The following SGK3 variants were observed in gnomAD, a reference collection of about 807,000 sequenced individuals.
SGK3 encodes the protein serum/glucocorticoid regulated kinase family member 3, also known as serine/threonine-protein kinase Sgk3.
In SGK3, 47 loss-of-function variants were observed where a neutral mutation model predicts 68.5. The ratio of observed to expected loss-of-function variants is 0.69; its 90% confidence interval spans 0.54 to 0.87. SGK3 has a LOEUF of 0.87. Ranked by LOEUF, SGK3 falls within the 40% of genes least tolerant of loss-of-function variation. SGK3 has a pLI of 0.00. For missense variants in SGK3, 479 were observed against 575.5 expected (o/e 0.83, Z 1.72); for synonymous variants, 181 against 189.1 (o/e 0.96, Z 0.35).
intron 1 of SGK3, among the ~76,000 whole-genome samples, chr8:66,758,141 G>A (rs1806045871): frequency 6.6e-6 from 1 of 151,744 alleles, no homozygotes; most frequent in Admixed American, 6.6e-5. Flanking sequence ...ATCACCTGAG[G>A]TCAGGAGTTC....
chr8:66,761,932 C>T (rs746897955), intron 1 of SGK3, among the ~76,000 whole-genome samples: 5 of 152,334 alleles, frequency 3.3e-5, no homozygotes, highest in Non-Finnish European at 7.3e-5. Flanking sequence ...TTGCACTCCC[C>T]TGCCCCTACA....
intron 1 of SGK3, among the ~76,000 whole-genome samples, chr8:66,789,123 G>GAAA (rs35284393): frequency 0.021 from 2,650 of 126,578 alleles, 84 homozygotes; most frequent in African/African-American, 0.07. Flanking sequence ...ATTTTATTCA[G>GAAA]AAAAAAAAAA....
In SGK3 at chr8:66,793,598, T is replaced by A. The variant is rs1220040732; in HGVS notation, c.-121-18T>A. The A allele has an allele frequency of 2.8e-6, 2 of 718,444 alleles. No homozygotes were observed. Among genetic ancestry groups the A allele is most frequent in the Non-Finnish European group, 4.3e-6 (2 of 460,792 alleles). 44.5% of individuals were successfully genotyped at this position (718,444 alleles called of 1,614,324 possible). A position where few individuals can be genotyped will look rare whatever the true frequency, so the allele number is the denominator to read the frequency against. On this transcript the variant is annotated intron_variant, in intron 1 of 16. Transcript: ENST00000521198. ...AAGTTGTTTTGCTAATCACTTTTTTTTTTTTCTGTTGGTTAAGGTTGCATG... is the reference window on the plus strand; with the variant it reads ...AAGTTGTTTTGCTAATCACTTTTTTATTTTTCTGTTGGTTAAGGTTGCATG...
chr8:66,781,097 G>T (rs148666735), intron 1 of SGK3, among the ~76,000 whole-genome samples: 1 of 152,182 alleles, frequency 6.6e-6, no homozygotes, highest in African/African-American at 2.4e-5. Flanking sequence ...GGCCTTGGGC[G>T]TGTTGTATGT....
chr8:66,798,731 G>A, intron 3 of SGK3, 106 bp downstream of exon 3: 1 of 951,052 alleles, frequency 1.1e-6, no homozygotes, highest in Non-Finnish European at 1.5e-6. Context: ...ATGTTAATAT[G>A]TCAGACAGGC....
chr8:66,828,723 A>G lies in SGK3; in HGVS notation c.467+20A>G, dbSNP rs371705613. The G allele has an allele frequency of 6.2e-6, 10 of 1,613,616 alleles. No individual in the cohort carries two copies. Among genetic ancestry groups the G allele is most frequent in the African/African-American group, 4.0e-5 (3 of 74,910 alleles). On this transcript the variant is annotated intron_variant, in intron 7 of 16. Transcript: ENST00000521198. Reference sequence around the variant, plus strand: ...TCCTCAGTATGTTTAATTTGCTTCAAACAATTTTTTAACTGAATTTTAGGA... The same window carrying G: ...TCCTCAGTATGTTTAATTTGCTTCAGACAATTTTTTAACTGAATTTTAGGA...
At chr8:66,751,422 A>G (rs978880401) in intron 1 of SGK3, among the ~76,000 whole-genome samples, 1 of 151,960 alleles carries the variant, frequency 6.6e-6, no homozygotes, top group Non-Finnish European at 1.5e-5. Context: ...ATACCATTCT[A>G]TTTTCTTATT....
intron 14 of SGK3, among the ~76,000 whole-genome samples, chr8:66,845,910 T>C (rs1167608168): frequency 6.6e-6 from 1 of 151,966 alleles, no homozygotes; most frequent in African/African-American, 2.4e-5. Flanking sequence ...ACAACAAGCA[T>C]ATATTACTTT....
chr8:66,721,718 C>A (rs1230561273), intron 1 of SGK3, among the ~76,000 whole-genome samples: 1 of 151,022 alleles, frequency 6.6e-6, no homozygotes, highest in Non-Finnish European at 1.5e-5. Context: ...ATTGCAACAG[C>A]ATTGTTTTGT....
At chr8:66,787,025 C>T (rs978910771) in intron 1 of SGK3, among the ~76,000 whole-genome samples, 7 of 146,196 alleles carry the variant, frequency 4.8e-5, no homozygotes, top group African/African-American at 1.5e-4. Context: ...GCAACCTTCA[C>T]CTCTTGTGTC....
At chr8:66,720,165 G>A (rs77878073) in intron 1 of SGK3, among the ~76,000 whole-genome samples, 1 of 152,152 alleles carries the variant, frequency 6.6e-6, no homozygotes, top group Non-Finnish European at 1.5e-5. Context: ...AACATAAAGC[G>A]CATGTTCTTC....
intron 2 of SGK3, 52 bp from the exon 3 acceptor site, chr8:66,798,490 G>C (rs1004421456): frequency 3.3e-6 from 5 of 1,492,596 alleles, no homozygotes; most frequent in African/African-American, 1.4e-5. Flanking sequence ...AGTAGCTAAT[G>C]GGTTTTTTGC....
At chr8:66,794,516 C>T (rs1447341052) in intron 2 of SGK3, among the ~76,000 whole-genome samples, 1 of 151,540 alleles carries the variant, frequency 6.6e-6, no homozygotes, top group Admixed American at 6.6e-5. Flanking sequence ...TATTACTGAT[C>T]TGCTCTTCCT....
chr8:66,744,483 GTATA>G (rs869176585), intron 1 of SGK3, among the ~76,000 whole-genome samples: 4,162 of 40,044 alleles, frequency 0.1, 432 homozygotes, highest in Middle Eastern at 0.14. Context: ...GTGTGTGTGT[GTATA>G]TATATATATA....
chr8:66,848,260 C>G (rs1810118680), intron 15 of SGK3, among the ~76,000 whole-genome samples: 1 of 152,144 alleles, frequency 6.6e-6, no homozygotes, highest in Non-Finnish European at 1.5e-5. Context: ...ATGAATCCAA[C>G]TATCATCTCA....
chr8:66,734,228 CTTTT>C (rs529741200), intron 1 of SGK3, among the ~76,000 whole-genome samples: 5 of 104,228 alleles, frequency 4.8e-5, no homozygotes, highest in African/African-American at 1.0e-4. Context: ...CTTTTTCTTT[CTTTT>C]TTTTTTTTTT....
intron 3 of SGK3, among the ~76,000 whole-genome samples, chr8:66,802,998 TAAAAA>T (rs900806336): frequency 1.3e-5 from 2 of 152,200 alleles, no homozygotes; most frequent in African/African-American, 4.8e-5. Context: ...TAAAGATTCT[TAAAAA>T]CAAAACATAT....
At chr8:66,857,699 C>G (rs956956045) in intron 16 of SGK3, among the ~76,000 whole-genome samples, 3 of 151,988 alleles carry the variant, frequency 2.0e-5, no homozygotes, top group African/African-American at 7.3e-5. Context: ...AGGATGATCC[C>G]TTGAGCCCAG....
chr8:66,859,216 C>T (rs1810659296), intron 16 of SGK3, among the ~76,000 whole-genome samples, 195 bp from the exon 17 acceptor site: 1 of 152,008 alleles, frequency 6.6e-6, no homozygotes, highest in South Asian at 2.1e-4. Context: ...GCCTGTAATC[C>T]CAGCTACTCG....
Sources: allele counts gnomAD v4.1 joint callset (sites outside exome capture counted in the v4.1 genomes callset), GRCh38; gene constraint gnomAD v4.1.1; transcripts MANE v1.5; gene names NCBI Gene and HGNC (gene_info 2026-07-23, HGNC 2026-07-21).